Variants in GRID2IP observed in about 807,000 individuals in gnomAD.
The protein encoded by GRID2IP is Grid2 interacting protein.
In GRID2IP, 78 loss-of-function variants were observed where a neutral mutation model predicts 114.3. That is an observed-to-expected ratio of 0.68 (90% CI 0.57 to 0.82). The LOEUF is 0.82. Ranked by LOEUF, GRID2IP falls within the 40% of genes least tolerant of loss-of-function variation. The pLI, the probability that GRID2IP is intolerant of heterozygous loss-of-function variation, is 0.00. For synonymous variants in GRID2IP, 809 were observed against 724.0 expected, an observed-to-expected ratio of 1.12 and a Z score of -1.89; for missense variants, 1,727 against 1,678.5, an observed-to-expected ratio of 1.03 and a Z score of -0.51.
intron 1 of GRID2IP, 34 bp from the exon 2 acceptor site, chr7:6,539,906 G>T (rs1283661751): frequency 6.5e-7 from 1 of 1,536,430 alleles, no homozygotes; most frequent in African/African-American, 1.4e-5. Context: ...GACCAAAAGG[G>T]ATCCAGAGTG....
At chr7:6,548,972 C>G (rs1439990048) in intron 1 of GRID2IP, among the ~76,000 whole-genome samples, 2 of 152,062 alleles carry the variant, frequency 1.3e-5, no homozygotes, top group East Asian at 3.8e-4. Context: ...TGGCTCCGGA[C>G]TATTTCCTAG....
chr7:6,508,252 C>G lies in GRID2IP; in HGVS notation c.2277G>C (p.Pro759=), dbSNP rs58020378. Residue 759 remains proline (P), a synonymous_variant, in exon 13 of 22, where the codon CCG becomes CCC. Transcript: ENST00000457091. The surrounding 1 kb of genome is among the most constrained non-coding windows in gnomAD (Gnocchi z 5.6). ...TAGCGTCATGGAAAGGCAGGGGTGGCGGTGGTGGGGGGCTGAGCGGGGGTG... is the reference window on the plus strand; with the variant it reads ...TAGCGTCATGGAAAGGCAGGGGTGGGGGTGGTGGGGGGCTGAGCGGGGGTG... ...IPPPPLSPPP[P]PPLPFHDAKP... is the part of the protein sequence containing the mutation. 4.8e-6 allele frequency: 2 copies of G among 413,146 alleles called. No individual in the cohort carries two copies. The highest frequency in any genetic ancestry group is 4.6e-5 in the South Asian group (1 of 21,642). The allele number at this position is 413,146 out of a possible 1,614,324, so 25.6% of individuals were successfully genotyped here.
chr7:6,524,282 T>C (rs1205602066), intron 4 of GRID2IP, among the ~76,000 whole-genome samples: 1 of 152,164 alleles, frequency 6.6e-6, no homozygotes, highest in Non-Finnish European at 1.5e-5. Flanking sequence ...GGAGATGTGA[T>C]GACACACAGA....
intron 7 of GRID2IP, among the ~76,000 whole-genome samples, chr7:6,517,884 C>CA (rs1465425626): frequency 1.3e-5 from 2 of 151,012 alleles, no homozygotes; most frequent in African/African-American, 4.9e-5. Context: ...GCCTGGGCGA[C>CA]AGAGCAAAAC....
rs1779396977 is a variant in GRID2IP at position 6,520,776 on chromosome 7, G to A, written c.1085-15C>T. The A allele has an allele frequency of 1.3e-6, 2 of 1,544,478 alleles. No homozygotes were observed. The highest frequency in any genetic ancestry group is 1.4e-5 in the African/African-American group (1 of 72,928). ...AGAATCGGAGTCTGCTGGGACCACA[G>A]GCGGGAGAGGCATGAGTGACTCAGA... On this transcript the variant is annotated splice_polypyrimidine_tract_variant and intron_variant, in intron 6 of 21. Coordinates refer to ENST00000457091, the MANE Select transcript of GRID2IP (RefSeq NM_001145118.2). The surrounding 1 kb of genome is among the most constrained non-coding windows in gnomAD (Gnocchi z 4.6).
intron 20 of GRID2IP, 103 bp from the exon 21 acceptor site, chr7:6,498,331 C>T (rs893603992): frequency 1.7e-6 from 2 of 1,148,150 alleles, no homozygotes; most frequent in Non-Finnish European, 2.4e-6. Context: ...CCCGGTTGGC[C>T]TGAGTCCTTC....
intron 20 of GRID2IP, 33 bp downstream of exon 20, chr7:6,501,748 G>A: frequency 6.7e-7 from 1 of 1,490,596 alleles, no homozygotes; most frequent in Non-Finnish European, 9.2e-7. Flanking sequence ...CCAGGATCCA[G>A]CCTGGTGCAG....
At chr7:6,517,321 T>G (rs1779329089) in intron 7 of GRID2IP, among the ~76,000 whole-genome samples, 1 of 151,892 alleles carries the variant, frequency 6.6e-6, no homozygotes, top group Non-Finnish European at 1.5e-5. Context: ...CCTCCCAAGG[T>G]GCTGGGATTA....
At position 6,501,776 on chromosome 7, in the gene GRID2IP, G is replaced by A; in HGVS notation, c.3399+5C>T. On this transcript the variant is annotated splice_donor_5th_base_variant and intron_variant, in intron 20 of 21. Coordinates refer to ENST00000457091, the MANE Select transcript of GRID2IP (RefSeq NM_001145118.2). ...TGGTGCAGGAACAGGCTGCTCAGAGGATGCCGACATGACCATTGCAAACTT... is the reference window on the plus strand; with the variant it reads ...TGGTGCAGGAACAGGCTGCTCAGAGAATGCCGACATGACCATTGCAAACTT... 1.3e-6 allele frequency: 2 copies of A among 1,545,962 alleles called. No individual in the cohort carries two copies. The highest frequency in any genetic ancestry group is 1.8e-6 in the Non-Finnish European group (2 of 1,142,302).
At chr7:6,535,483 G>A (rs927129771) in intron 2 of GRID2IP, among the ~76,000 whole-genome samples, 1 of 152,150 alleles carries the variant, frequency 6.6e-6, no homozygotes, top group Non-Finnish European at 1.5e-5. Flanking sequence ...TGATTTGGGT[G>A]GGTCCTGGCC....
intron 4 of GRID2IP, among the ~76,000 whole-genome samples, chr7:6,525,080 G>C (rs990944465): frequency 1.3e-5 from 2 of 152,070 alleles, no homozygotes; most frequent in Admixed American, 6.5e-5. Flanking sequence ...CAAGACGGGT[G>C]GATCACCCGA....
Position 6,551,384 on chromosome 7 carries a change from C to A in GRID2IP, c.53G>T (p.Gly18Val), listed in dbSNP as rs1779979608. 1.9e-6 allele frequency: 3 copies of A among 1,547,998 alleles called. No individual in the cohort carries two copies. Among genetic ancestry groups the A allele is most frequent in the Non-Finnish European group, 2.6e-6 (3 of 1,145,826 alleles). Residue 18 changes from glycine to valine, a missense_variant, in exon 1 of 22, where the codon GGC (glycine) becomes GTC (valine). Physicochemically the swap from Gly to Val is moderately radical, Grantham distance 109. Transcript: ENST00000457091. The part of the protein sequence containing the change: ...ATNQGWPEDF[G>V]FRLGGSGPCF... ...GGGGCCAGAGCCACCTAGCCGGAAG[C>A]CAAAGTCCTCTGGCCAGCCCTGGTT...
Position 6,551,179 on chromosome 7 carries a change from G to A in GRID2IP, c.258C>T (p.Asp86=). Residue 86 remains aspartate (D), a synonymous_variant, in exon 1 of 22, where the codon GAC becomes GAT. Coordinates refer to ENST00000457091, the MANE Select transcript of GRID2IP (RefSeq NM_001145118.2). ...PPSLGVLPAP[D]GGPGPGSGPA... ...GGCCGGATCCTGGGCCGGGGCCACC[G>A]TCGGGAGCCGGGAGCACGCCCAGAC... The A allele has an allele frequency of 1.5e-6, 2 of 1,378,046 alleles. No individual in the cohort carries two copies. The highest frequency in any genetic ancestry group is 3.1e-5 in the East Asian group (1 of 31,784). The allele number at this position is 1,378,046 out of a possible 1,614,324, so 85.4% of individuals were successfully genotyped here.
chr7:6,508,370 A>G lies in GRID2IP; in HGVS notation c.2159T>C (p.Val720Ala). 6.4e-7 allele frequency: 1 copy of G among 1,551,568 alleles called. No homozygotes were observed. ...MSFHDDQGSF[V>A]TNERSSASDC... is the part of the protein sequence containing the mutation. ...GCTGGCGCTGCTCCGCTCATTGGTT[A>G]CGAAGCTGCCCTGGTCATCATGGAA... is the stretch of plus-strand genomic sequence containing the variant. The change falls in exon 13 of 22, where the codon GTA (valine) becomes GCA (alanine). Residue 720 changes from valine (V) to alanine (A), a missense_variant. Physicochemically the swap from Val to Ala is moderately conservative, Grantham distance 64. Transcript: ENST00000457091. The surrounding 1 kb of genome is among the most constrained non-coding windows in gnomAD (Gnocchi z 5.6).
rs887305521 is a variant in GRID2IP, at chr7:6,503,578, G to A, written c.2820C>T (p.Phe940=). 5 of 1,528,942 alleles carry A rather than the reference G, an allele frequency of 3.3e-6. No homozygotes were observed. In the African/African-American group the frequency reaches 5.6e-5, roughly 17 times the overall value. 94.7% of individuals were successfully genotyped at this position (1,528,942 alleles called of 1,614,324 possible). The change falls in exon 16 of 22, where the codon TTC becomes TTT. Residue 940 remains phenylalanine, a synonymous_variant. Transcript: ENST00000457091. Reference sequence around the variant, plus strand: ...GCTGCTCCTCGTCGGCGTCGGGCGCGAAGAGCAGCAGCTGCGCGAGATGTG... The same window carrying A: ...GCTGCTCCTCGTCGGCGTCGGGCGCAAAGAGCAGCAGCTGCGCGAGATGTG... ...EPAHLAQLLL[F]APDADEEQRY... is the part of the protein sequence containing the mutation.
chr7:6,545,422 C>G (rs749966156), intron 1 of GRID2IP, among the ~76,000 whole-genome samples: 4 of 152,206 alleles, frequency 2.6e-5, no homozygotes, highest in Non-Finnish European at 4.4e-5. Flanking sequence ...ACTTGAGGCT[C>G]TCCACGACCC....
At chr7:6,530,918 C>T (rs1779608814) in intron 2 of GRID2IP, 2 of 475,342 alleles carry the variant, frequency 4.2e-6, no homozygotes, top group Non-Finnish European at 7.5e-6. Context: ...CCCTGGGCCT[C>T]GGGCTCCGCC....
chr7:6,505,696 G>T, intron 14 of GRID2IP, 124 bp downstream of exon 14: 2 of 660,800 alleles, frequency 3.0e-6, no homozygotes, highest in South Asian at 3.6e-5. Context: ...ATAACTCAGG[G>T]ACTGAAGGCT....
At position 6,520,665 on chromosome 7, in the gene GRID2IP, C is replaced by G; in HGVS notation, c.1181G>C (p.Arg394Thr). The change falls in exon 7 of 22, where the codon AGG becomes ACG. Residue 394 changes from arginine to threonine, a missense_variant. By Grantham distance (71) the Arg-to-Thr change is moderately conservative (BLOSUM62 -1). Transcript: ENST00000457091. The surrounding 1 kb of genome is among the most constrained non-coding windows in gnomAD (Gnocchi z 4.6). ...ILPSSIRVQG[R>T]TFSQQLEHLL... ...GTGCTCCAGCTGCTGGCTGAAGGTC[C>G]TCCCTTGGACCCGGATGCTGGACGG... 1 of 1,551,736 alleles carries G rather than the reference C, an allele frequency of 6.4e-7. No homozygotes were observed. Among genetic ancestry groups the G allele is most frequent in the East Asian group, 2.4e-5 (1 of 40,924 alleles).
Sources: allele counts gnomAD v4.1 joint callset (sites outside exome capture counted in the v4.1 genomes callset), GRCh38; gene constraint gnomAD v4.1.1; non-coding constraint Gnocchi (gnomAD v3.1); transcripts MANE v1.5; gene names NCBI Gene and HGNC (gene_info 2026-07-23, HGNC 2026-07-21).